The following RIOK1 variants were observed in gnomAD, a reference collection of about 807,000 sequenced individuals.
RIOK1 encodes serine/threonine-protein kinase RIO1.
RIOK1 carries 66 observed loss-of-function variants against 73.5 expected under a neutral mutation model. That is an observed-to-expected ratio of 0.90 (90% confidence interval 0.74 to 1.10). The LOEUF (loss-of-function observed/expected upper bound fraction) is 1.10. RIOK1 is among the 50% of genes least tolerant of loss of function. The probability of loss-of-function intolerance (pLI) is 0.00; values close to 1 mark genes in which losing one functional copy is unlikely to be tolerated. For synonymous variants in RIOK1, 224 were observed against 226.8 expected, an observed-to-expected ratio of 0.99 and a Z score of 0.11; for missense variants, 658 against 699.8, an observed-to-expected ratio of 0.94 and a Z score of 0.67.
chr6:7,404,049 T>G (rs374112837), intron 9 of RIOK1, 22 bp downstream of exon 9: 1 of 1,471,354 alleles, frequency 6.8e-7, no homozygotes, highest in African/African-American at 1.4e-5. Context: ...GAAGGGCTAA[T>G]AATTGCATTC....
intron 6 of RIOK1, among the ~76,000 whole-genome samples, 161 bp from the exon 7 acceptor site, chr6:7,402,442 T>C (rs1225921898): frequency 3.3e-5 from 5 of 152,266 alleles, no homozygotes; most frequent in Non-Finnish European, 5.9e-5. Context: ...ACTGTCCTTT[T>C]GATGTAATGT....
chr6:7,392,186 T>TA (rs1309466903), intron 1 of RIOK1, among the ~76,000 whole-genome samples: 6 of 150,710 alleles, frequency 4.0e-5, no homozygotes, highest in African/African-American at 1.2e-4. Context: ...AATCCAGACT[T>TA]ACAGCTTCAC....
chr6:7,396,892 G>GGTGTGTGTGTGTGT lies in RIOK1; in HGVS notation c.437+135_437+148dup, dbSNP rs150425917. On this transcript the variant is annotated intron_variant, in intron 4 of 16. Coordinates refer to ENST00000379834, the MANE Select transcript of RIOK1 (RefSeq NM_031480.3). ...GTATACTTAAACCAATCATTATTTT[G>GGTGTGTGTGTGTGT]GTGTGTGTGTGTGTGTGTGTGTGTG... is the stretch of plus-strand genomic sequence containing the variant. 9.5e-4 allele frequency: 397 copies of GGTGTGTGTGTGTGT among 416,532 alleles called. 1 individual carries two copies. Among genetic ancestry groups the GGTGTGTGTGTGTGT allele is most frequent in the African/African-American group, 6.2e-3 (301 of 48,768 alleles). 25.8% of individuals were successfully genotyped at this position (416,532 alleles called of 1,614,324 possible).
intron 12 of RIOK1, among the ~76,000 whole-genome samples, chr6:7,406,619 A>AT (rs1375790988): frequency 2.6e-5 from 4 of 152,270 alleles, no homozygotes; most frequent in African/African-American, 9.6e-5. Flanking sequence ...ACTTAGTATG[A>AT]TGTCTTCAAG....
At chr6:7,390,384 A>G (rs1234664968) in intron 1 of RIOK1, among the ~76,000 whole-genome samples, 2 of 152,202 alleles carry the variant, frequency 1.3e-5, no homozygotes, top group Non-Finnish European at 2.9e-5. Context: ...AGCGTTCAAC[A>G]AATACTTACT....
At chr6:7,408,327 T>A (rs141611407) in intron 12 of RIOK1, among the ~76,000 whole-genome samples, 92 of 152,260 alleles carry the variant, frequency 6.0e-4, no homozygotes, top group South Asian at 4.1e-4. Flanking sequence ...ATAAGTCGCC[T>A]TGCCTGGCCA....
chr6:7,392,921 A>G (rs1324400948), intron 1 of RIOK1, 178 bp from the exon 2 acceptor site: 1 of 984,910 alleles, frequency 1.0e-6, no homozygotes, highest in Non-Finnish European at 1.2e-6. Flanking sequence ...CTGCAACAGA[A>G]CTGGAAAACA....
intron 12 of RIOK1, 132 bp from the exon 13 acceptor site, chr6:7,410,254 C>T: frequency 3.1e-6 from 2 of 652,140 alleles, no homozygotes; most frequent in South Asian, 1.8e-5. Context: ...CATTAGACCT[C>T]ACTAAATGCT....
chr6:7,396,601 G>A (rs1184366844), intron 3 of RIOK1, 102 bp from the exon 4 acceptor site: 4 of 648,618 alleles, frequency 6.2e-6, no homozygotes, highest in Non-Finnish European at 1.1e-5. Flanking sequence ...CATTTAGAAA[G>A]TGTAGAAGAG....
chr6:7,396,343 G>T lies in RIOK1; in HGVS notation c.368-360G>T, dbSNP rs542070775. Among the ~76,000 whole-genome samples, 10 of 152,284 alleles carry T rather than the reference G, an allele frequency of 6.6e-5. No homozygotes were observed. In the South Asian group the frequency reaches 1.9e-3, roughly 28 times the overall value. ...CTATCATAGACTTATAACTTGAAGT[G>T]AAACAAGTTTTTAGAATTAAACTTG... On this transcript the variant is annotated intron_variant, in intron 3 of 16. Transcript: ENST00000379834.
Position 7,392,450 on chromosome 6 carries a change from T to C in RIOK1, c.72-649T>C, listed in dbSNP as rs192852760. Among the ~76,000 whole-genome samples, 3 of 152,224 alleles carry C rather than the reference T, an allele frequency of 2.0e-5. No individual in the cohort carries two copies. The East Asian group carries it at 5.8e-4, about 29-fold the overall frequency. On this transcript the variant is annotated intron_variant, in intron 1 of 16. Transcript: ENST00000379834. ...CAAATCTTGATGTAACTTCTTTTAT[T>C]GCAAAGTGTTATCGAGTTCAAAGTA...
At position 7,411,326 on chromosome 6, in the gene RIOK1, T is replaced by C. The variant is rs563129237; in HGVS notation, c.1270-6T>C. 6.2e-7 allele frequency: 1 copy of C among 1,613,692 alleles called. No homozygotes were observed. Among genetic ancestry groups the C allele is most frequent in the Non-Finnish European group, 8.5e-7 (1 of 1,179,778 alleles). On this transcript the variant is annotated splice_region_variant and splice_polypyrimidine_tract_variant and intron_variant, in intron 13 of 16. Coordinates refer to ENST00000379834, the MANE Select transcript of RIOK1 (RefSeq NM_031480.3). The stretch of plus-strand genomic sequence containing the variant: ...CAGTTTTGATTTTGCTTTTCCTCTC[T>C]GTTAGGTGTTTAAGCGAGCATATAT...
At chr6:7,404,260 A>G (rs1761684973) in intron 9 of RIOK1, among the ~76,000 whole-genome samples, 158 bp from the exon 10 acceptor site, 1 of 152,188 alleles carries the variant, frequency 6.6e-6, no homozygotes, top group African/African-American at 2.4e-5. Context: ...TTGGGAAAGC[A>G]TCTATTTGCC....
intron 12 of RIOK1, among the ~76,000 whole-genome samples, chr6:7,405,752 A>C (rs71559162): frequency 6.7e-6 from 1 of 150,020 alleles, no homozygotes; most frequent in Non-Finnish European, 1.5e-5. Context: ...AAAATACAGC[A>C]CAACAGCCAA....
At position 7,402,886 on chromosome 6, in the gene RIOK1, GA is replaced by G; in HGVS notation, c.758del (p.Asn253ThrfsTer2). 1.9e-6 allele frequency: 3 copies of G among 1,613,824 alleles called. No individual in the cohort carries two copies. In the East Asian group the frequency reaches 6.7e-5, roughly 36 times the overall value. On this transcript the variant is annotated frameshift_variant, in exon 8 of 17. Transcript: ENST00000379834. LOFTEE classifies it high-confidence loss of function. Reference protein sequence around the residue: ...VKTWAEKEMRNLIRLNTAEIP... With the variant: ...VKTWAEKEMRXLIRLNTAEIP... ...AAACTTGGGCAGAAAAAGAAATGAGGAACTTAATCAGGTGACTGTCTGGGAT... is the reference window on the plus strand; with the variant it reads ...AAACTTGGGCAGAAAAAGAAATGAGGACTTAATCAGGTGACTGTCTGGGAT...
rs375044673 is a variant in RIOK1, at chr6:7,395,288, T to C, written c.367+145T>C. The C allele has an allele frequency of 1.1e-4, 85 of 796,438 alleles. No homozygotes were observed. In the Middle Eastern group the frequency reaches 2.9e-3, roughly 27 times the overall value. The allele number at this position is 796,438 out of a possible 1,614,324, so 49.3% of individuals were successfully genotyped here. ...CGGCACTTTGGGAGGCTGAAGTGGG[T>C]GGATCACCTGAGGTCAGGAGTTTGA... On this transcript the variant is annotated intron_variant, in intron 3 of 16. Transcript: ENST00000379834.
intron 5 of RIOK1, among the ~76,000 whole-genome samples, chr6:7,400,381 C>G (rs1231190814): frequency 2.6e-5 from 4 of 152,084 alleles, no homozygotes; most frequent in Non-Finnish European, 5.9e-5. Context: ...AGTGCTGACC[C>G]CTGATTTACA....
chr6:7,396,392 A>G (rs1761474278), intron 3 of RIOK1, among the ~76,000 whole-genome samples: 2 of 152,254 alleles, frequency 1.3e-5, no homozygotes, highest in South Asian at 4.1e-4. Context: ...TTTATTAGTC[A>G]TGTGGAGTAC....
intron 3 of RIOK1, among the ~76,000 whole-genome samples, chr6:7,396,168 A>G (rs140482058): frequency 0.01 from 1,543 of 152,302 alleles, 22 homozygotes; most frequent in African/African-American, 0.035. Flanking sequence ...TTGAATCATC[A>G]TCTCATAGAA....
Sources: allele counts gnomAD v4.1 joint callset (sites outside exome capture counted in the v4.1 genomes callset), GRCh38; gene constraint gnomAD v4.1.1; transcripts MANE v1.5; gene names NCBI Gene and HGNC (gene_info 2026-07-23, HGNC 2026-07-21).